PCDHA1: variants seen among roughly 807,000 people sequenced by gnomAD.
PCDHA1 encodes protocadherin alpha 1.
A neutral mutation model predicts 61.3 loss-of-function variants in PCDHA1; 42 were observed. The observed-to-expected ratio is 0.69, with a 90% CI of 0.54 to 0.89. PCDHA1 has a LOEUF of 0.89. Among genes scored for constraint, PCDHA1 ranks in the 40% least tolerant of loss-of-function variants. PCDHA1 has a pLI of 0.00. For synonymous variants in PCDHA1, 610 were observed against 553.8 expected (o/e 1.10, Z -1.43); for missense variants, 1,256 against 1,235.3 (o/e 1.02, Z -0.25).
At chr5:140,822,420 TGGA>T (rs1767306523) in intron 1 of PCDHA1, 1 of 1,613,970 alleles carries the variant, frequency 6.2e-7, no homozygotes, top group Non-Finnish European at 8.5e-7. Context: ...TTGCAACTGA[TGGA>T]GGAAAACCCG....
At position 140,787,608 on chromosome 5, in the gene PCDHA1, A is replaced by C. The variant is rs1554117888; in HGVS notation, c.1318A>C (p.Arg440=). The part of the protein sequence containing the change: ...GGSPSLWATA[R]VSVEVADVND... ...CTCGCCTTCGCTGTGGGCCACGGCCAGGGTGTCCGTGGAGGTGGCCGACGT... is the reference window on the plus strand; with the variant it reads ...CTCGCCTTCGCTGTGGGCCACGGCCCGGGTGTCCGTGGAGGTGGCCGACGT... The change falls in exon 1 of 4, where the codon AGG becomes CGG. Residue 440 remains arginine, a synonymous_variant. Coordinates refer to ENST00000504120, the MANE Select transcript of PCDHA1 (RefSeq NM_018900.4). The C allele has an allele frequency of 4.3e-6, 7 of 1,613,966 alleles. No homozygotes were observed. In the Admixed American group the frequency reaches 1.2e-4, roughly 27 times the overall value.
At chr5:140,966,659 G>C in intron 1 of PCDHA1, 5 of 1,217,658 alleles carry the variant, frequency 4.1e-6, no homozygotes, top group Non-Finnish European at 5.3e-6. Context: ...AGCGGTGGGG[G>C]AGCAGGCGCA....
At chr5:140,853,927 G>T in intron 1 of PCDHA1, 1 of 895,160 alleles carries the variant, frequency 1.1e-6, no homozygotes, top group Non-Finnish European at 1.4e-6. Context: ...CCAACATTTT[G>T]GGAGGCCAAG....
chr5:140,841,547 G>T, intron 1 of PCDHA1: 1 of 1,613,802 alleles, frequency 6.2e-7, no homozygotes, highest in Non-Finnish European at 8.5e-7. Context: ...GGACCTTCTG[G>T]AGGTAAGTCT....
At chr5:140,821,587 C>T in intron 1 of PCDHA1, 1 of 647,978 alleles carries the variant, frequency 1.5e-6, no homozygotes, top group Non-Finnish European at 2.4e-6. Context: ...TTTCTCCCTT[C>T]CCAGCCTCAA....
intron 1 of PCDHA1, chr5:140,871,653 C>T: frequency 1.6e-6 from 2 of 1,244,250 alleles, no homozygotes; most frequent in Non-Finnish European, 2.2e-6. Flanking sequence ...CCAAATGATA[C>T]ACATCTTCAG....
At position 140,849,713 on chromosome 5, in the gene PCDHA1, G is replaced by A. The variant is rs2150446260; in HGVS notation, c.2394+61029G>A. ...TGTCCACCTACAAGAATTACTACTC[G>A]TTGGTGCTGGACAGAGCTCTGGACC... On this transcript the variant is annotated intron_variant, in intron 1 of 3. Transcript: ENST00000504120. The A allele has an allele frequency of 6.6e-5, 105 of 1,598,450 alleles. 8 individuals carry two copies. Among genetic ancestry groups the A allele is most frequent in the Middle Eastern group, 1.7e-4 (1 of 5,910 alleles).
rs782641512 is a variant in PCDHA1 at position 140,857,970 on chromosome 5, C to T, written c.2394+69286C>T. The T allele has an allele frequency of 1.9e-5, 30 of 1,596,836 alleles. 3 individuals are homozygous for T. The highest frequency in any genetic ancestry group is 1.1e-4 in the African/African-American group (8 of 74,204). ...ACGCGCGCTCTGGATGAGACTGACT[C>T]GCCACGCCAGCGCCTACTGGTGCTG... On this transcript the variant is annotated intron_variant, in intron 1 of 3. Coordinates refer to ENST00000504120, the MANE Select transcript of PCDHA1 (RefSeq NM_018900.4).
At chr5:140,976,523 C>T in intron 1 of PCDHA1, among the ~76,000 whole-genome samples, 1 of 151,724 alleles carries the variant, frequency 6.6e-6, no homozygotes. Flanking sequence ...TGCACACCAG[C>T]CTAAATGACA....
At chr5:140,913,021 A>G (rs548086979) in intron 1 of PCDHA1, among the ~76,000 whole-genome samples, 1 of 152,154 alleles carries the variant, frequency 6.6e-6, no homozygotes, top group South Asian at 2.1e-4. Context: ...TTTTGCATCA[A>G]TATTCATCAG....
At chr5:140,836,843 A>G (rs1774773753) in intron 1 of PCDHA1, 2 of 826,772 alleles carry the variant, frequency 2.4e-6, no homozygotes, top group Admixed American at 6.3e-5. Context: ...AGCTTTATGT[A>G]TAATTATTAT....
At chr5:140,822,961 C>T (rs1220771732) in intron 1 of PCDHA1, 20 of 1,614,146 alleles carry the variant, frequency 1.2e-5, no homozygotes, top group Non-Finnish European at 1.7e-5. Context: ...TCCCTTCAAG[C>T]TGGTGTCCAC....
intron 1 of PCDHA1, among the ~76,000 whole-genome samples, chr5:140,950,569 T>C (rs969438550): frequency 1.3e-5 from 2 of 152,120 alleles, no homozygotes; most frequent in African/African-American, 2.4e-5. Context: ...TATTTTAAGG[T>C]TTTCTACTTA....
chr5:140,792,644 G>A lies in PCDHA1; in HGVS notation c.2394+3960G>A, dbSNP rs1458286231. Among the ~76,000 whole-genome samples the A allele has an allele frequency of 2.6e-5, 4 of 152,138 alleles. No homozygotes were observed. In the East Asian group the frequency reaches 5.8e-4, roughly 22 times the overall value. ...CTTATACCCCCACATATGTCATTCT[G>A]AATATCCGGTATAATTAATTACCTT... On this transcript the variant is annotated intron_variant, in intron 1 of 3. Transcript: ENST00000504120.
intron 1 of PCDHA1, chr5:140,870,788 C>A (rs782319322): frequency 3.7e-6 from 6 of 1,613,636 alleles, no homozygotes; most frequent in Non-Finnish European, 5.1e-6. Context: ...GACAACGCGC[C>A]GGCACTGCTG....
At chr5:140,841,517 G>T (rs2150317250) in intron 1 of PCDHA1, 29 of 1,613,422 alleles carry the variant, frequency 1.8e-5, no homozygotes, top group Non-Finnish European at 2.3e-5. Flanking sequence ...CCTGTTCCGG[G>T]TGGCGTCCAA....
intron 1 of PCDHA1, among the ~76,000 whole-genome samples, chr5:140,855,328 G>C (rs1554147750): frequency 6.7e-6 from 1 of 149,766 alleles, no homozygotes; most frequent in East Asian, 1.9e-4. Context: ...GGAGGGAGAG[G>C]TTAAACGATT....
At position 141,009,957 on chromosome 5, in the gene PCDHA1, G is replaced by A; in HGVS notation, c.*20G>A. The stretch of plus-strand genomic sequence containing the variant: ...CAGTGAGGTCCTCAAATGGAAACAA[G>A]CCACTTAGCCAGTTTTTGTAATAAT... On this transcript the variant is annotated 3_prime_UTR_variant, in exon 4 of 4. Transcript: ENST00000504120. 1 of 1,589,160 alleles carries A rather than the reference G, an allele frequency of 6.3e-7. No individual in the cohort carries two copies. Among genetic ancestry groups the A allele is most frequent in the Non-Finnish European group, 8.5e-7 (1 of 1,171,102 alleles).
chr5:140,910,965 C>T (rs1554194514), intron 1 of PCDHA1, among the ~76,000 whole-genome samples: 1 of 152,098 alleles, frequency 6.6e-6, no homozygotes, highest in Non-Finnish European at 1.5e-5. Context: ...TAGCACACCT[C>T]CTCATGGGTT....
Sources: allele counts gnomAD v4.1 joint callset (sites outside exome capture counted in the v4.1 genomes callset), GRCh38; gene constraint gnomAD v4.1.1; transcripts MANE v1.5; gene names NCBI Gene and HGNC (gene_info 2026-07-23, HGNC 2026-07-21).